The following LRCH2 variants were observed in gnomAD, a reference collection of about 807,000 sequenced individuals.
LRCH2 encodes the protein leucine rich repeats and calponin homology domain containing 2, also known as leucine-rich repeat and calponin homology domain-containing protein 2.
In LRCH2, 38 loss-of-function variants were observed where a neutral mutation model predicts 68.9. The ratio of observed to expected loss-of-function variants is 0.55; its 90% CI spans 0.43 to 0.72. The LOEUF (loss-of-function observed/expected upper bound fraction) is 0.72, where lower values mean the gene tolerates loss of function less well. Ranked by LOEUF, LRCH2 falls within the 30% of genes least tolerant of loss-of-function variation. LRCH2 has a pLI of 0.00. For synonymous variants in LRCH2, 191 were observed against 208.1 expected, an observed-to-expected ratio of 0.92 and a Z score of 0.71; for missense variants, 528 against 572.9, an observed-to-expected ratio of 0.92 and a Z score of 0.80.
chrX:115,149,684 T>C, intron 14 of LRCH2, 143 bp downstream of exon 14: 1 of 404,395 alleles, frequency 2.5e-6, no homozygotes, highest in South Asian at 5.2e-5. Context: ...TAGATTGTAT[T>C]ACCCCATATA....
chrX:115,121,480 C>T (rs193052019), intron 20 of LRCH2, among the ~76,000 whole-genome samples: 3 of 110,575 alleles, frequency 2.7e-5, no homozygotes, highest in Admixed American at 1.9e-4. Flanking sequence ...GGTGAAACTC[C>T]GTCTCTATTA....
chrX:115,200,652 C>A (rs367832120), intron 1 of LRCH2, among the ~76,000 whole-genome samples: 1 of 109,428 alleles, frequency 9.1e-6, no homozygotes, highest in Non-Finnish European at 1.9e-5. Flanking sequence ...AAAAAAAATC[C>A]CAATAAAGAC....
chrX:115,192,328 G>C, intron 1 of LRCH2: 12 of 1,081,340 alleles, frequency 1.1e-5, no homozygotes, highest in Non-Finnish European at 1.5e-5. Flanking sequence ...CCACAGTGGG[G>C]GCCGCGACAG....
chrX:115,152,224 G>A (rs1319791926), intron 12 of LRCH2, among the ~76,000 whole-genome samples: 10 of 111,326 alleles, frequency 9.0e-5, no homozygotes, highest in Middle Eastern at 4.7e-3. Context: ...TAGACTAAAT[G>A]CTGCACTGGT....
At position 115,111,513 on chromosome X, in the gene LRCH2, T is replaced by C. The variant is rs2072042834; in HGVS notation, c.*1703A>G. On this transcript the variant is annotated 3_prime_UTR_variant, in exon 21 of 21. Transcript: ENST00000317135. ...ATTTATTTGCCATTTCTTACATATA[T>C]TACCCAAGTTTTCACTAGGGAGATT... 9.0e-6 allele frequency: 1 copy of C among 110,909 alleles called. No individual in the cohort carries two copies. The highest frequency in any genetic ancestry group is 3.7e-4 in the South Asian group (1 of 2,696). The allele number at this position is 110,909 out of a possible 1,213,427, so 9.1% of individuals were successfully genotyped here.
intron 1 of LRCH2, among the ~76,000 whole-genome samples, chrX:115,228,611 T>C (rs781857942): frequency 2.7e-5 from 3 of 112,106 alleles, no homozygotes; most frequent in Non-Finnish European, 5.6e-5. Flanking sequence ...TTACTTCTTA[T>C]GTTCTCAGTG....
At chrX:115,219,531 T>C (rs1179108280) in intron 1 of LRCH2, among the ~76,000 whole-genome samples, 1 of 111,546 alleles carries the variant, frequency 9.0e-6, no homozygotes, top group Non-Finnish European at 1.9e-5. Flanking sequence ...GGTTTATTAC[T>C]AACACAGGCA....
At chrX:115,205,495 T>C (rs1025779066) in intron 1 of LRCH2, among the ~76,000 whole-genome samples, 7 of 112,273 alleles carry the variant, frequency 6.2e-5, no homozygotes, top group East Asian at 2.8e-4. Context: ...AAGTGTACCA[T>C]ATATTGGTTC....
At chrX:115,219,519 A>G (rs1400272352) in intron 1 of LRCH2, among the ~76,000 whole-genome samples, 2 of 111,718 alleles carry the variant, frequency 1.8e-5, no homozygotes, top group Admixed American at 1.9e-4. Context: ...ATGGATTCAG[A>G]TGGTTTATTA....
At chrX:115,219,154 T>C (rs1426646146) in intron 1 of LRCH2, among the ~76,000 whole-genome samples, 3 of 111,785 alleles carry the variant, frequency 2.7e-5, no homozygotes, top group Non-Finnish European at 5.6e-5. Flanking sequence ...ACAAAAGTAG[T>C]CCTTGAGAAG....
intron 20 of LRCH2, among the ~76,000 whole-genome samples, chrX:115,117,327 C>G (rs782436328): frequency 1.8e-5 from 2 of 111,593 alleles, no homozygotes; most frequent in East Asian, 5.6e-4. Context: ...AACTGGAACT[C>G]TCACATACTG....
At chrX:115,136,152 T>C (rs2072288076) in intron 14 of LRCH2, among the ~76,000 whole-genome samples, 1 of 111,857 alleles carries the variant, frequency 8.9e-6, no homozygotes, top group Admixed American at 9.5e-5. Flanking sequence ...TAAGGTTACA[T>C]GACTTGACAA....
chrX:115,161,170 T>C (rs1280726012), intron 11 of LRCH2, among the ~76,000 whole-genome samples: 1 of 111,332 alleles, frequency 9.0e-6, no homozygotes, highest in African/African-American at 3.3e-5. Flanking sequence ...CTAGCCAACA[T>C]GGCGAAACCC....
chrX:115,156,716 A>G, intron 11 of LRCH2, 49 bp from the exon 12 acceptor site: 1 of 763,193 alleles, frequency 1.3e-6, no homozygotes, highest in Non-Finnish European at 1.8e-6. Context: ...AGAATATTAC[A>G]TCACATGATA....
chrX:115,155,742 T>C (rs1196137448), intron 12 of LRCH2, among the ~76,000 whole-genome samples: 1 of 111,510 alleles, frequency 9.0e-6, no homozygotes, highest in Non-Finnish European at 1.9e-5. Flanking sequence ...TTGTGTTTTA[T>C]AGAAGGGGTA....
intron 1 of LRCH2, chrX:115,191,481 C>A: frequency 1.7e-6 from 2 of 1,156,504 alleles, no homozygotes; most frequent in Non-Finnish European, 2.3e-6. Context: ...TCGATGCCAA[C>A]AGTGGAGGCC....
intron 14 of LRCH2, among the ~76,000 whole-genome samples, chrX:115,135,145 C>A (rs1313754956): frequency 2.1e-4 from 18 of 87,009 alleles, no homozygotes; most frequent in African/African-American, 9.0e-5. Flanking sequence ...TTTTTTGAGA[C>A]AGGGTCTCAC....
At chrX:115,190,384 C>G (rs782276686) in intron 1 of LRCH2, 7 of 1,161,528 alleles carry the variant, frequency 6.0e-6, no homozygotes, top group Non-Finnish European at 8.0e-6. Flanking sequence ...CGGCGCTGCC[C>G]CTGTGTGGGG....
chrX:115,192,469 C>A (rs782613086), intron 1 of LRCH2: 9 of 1,170,269 alleles, frequency 7.7e-6, no homozygotes, highest in Non-Finnish European at 1.0e-5. Flanking sequence ...CCGGAGCGAC[C>A]GCTACTCGAG....
Sources: allele counts gnomAD v4.1 joint callset (sites outside exome capture counted in the v4.1 genomes callset), GRCh38; gene constraint gnomAD v4.1.1; transcripts MANE v1.5; gene names NCBI Gene and HGNC (gene_info 2026-07-23, HGNC 2026-07-21).